Variants in TMEM132B observed in about 807,000 individuals in gnomAD.
TMEM132B encodes the protein transmembrane protein 132B.
In TMEM132B, 18 loss-of-function variants were observed where a neutral mutation model predicts 90.8. That is an observed-to-expected ratio of 0.20 (90% CI 0.14 to 0.29). The LOEUF (loss-of-function observed/expected upper bound fraction) is 0.29. TMEM132B is among the 10% of genes least tolerant of loss of function. TMEM132B has a pLI of 1.00. For synonymous variants in TMEM132B, 504 were observed against 523.3 expected, an observed-to-expected ratio of 0.96 and a Z score of 0.50; for missense variants, 1,096 against 1,326.8, an observed-to-expected ratio of 0.83 and a Z score of 2.70.
chr12:125,451,270 T>C (rs963029063), intron 3 of TMEM132B, among the ~76,000 whole-genome samples: 2 of 152,178 alleles, frequency 1.3e-5, no homozygotes, highest in Non-Finnish European at 2.9e-5. Context: ...ATATTCCTAT[T>C]CTTAGGGAAT....
At chr12:125,601,604 T>G (rs1158453600) in intron 5 of TMEM132B, among the ~76,000 whole-genome samples, 1 of 151,492 alleles carries the variant, frequency 6.6e-6, no homozygotes, top group African/African-American at 2.4e-5. Flanking sequence ...AGACAAGAAA[T>G]AACTAAGATC....
At chr12:125,298,304 C>T (rs1046809606) in intron 1 of TMEM132B, among the ~76,000 whole-genome samples, 5 of 151,792 alleles carry the variant, frequency 3.3e-5, no homozygotes, top group Non-Finnish European at 5.9e-5. Flanking sequence ...ATACCATTGA[C>T]CAGTCCATCT....
intron 2 of TMEM132B, among the ~76,000 whole-genome samples, chr12:125,411,161 GGAGTGGAGTGGAGTGGAGT>G (rs1359177741): frequency 2.8e-5 from 3 of 107,460 alleles, no homozygotes; most frequent in Admixed American, 8.6e-5. Context: ...GTGGAGGAGT[GGAGTGGAGTGGAGTGGAGT>G]GAGTGGAGGA....
At chr12:125,545,954 A>G (rs1653821661) in intron 4 of TMEM132B, among the ~76,000 whole-genome samples, 1 of 152,210 alleles carries the variant, frequency 6.6e-6, no homozygotes, top group South Asian at 2.1e-4. Context: ...AAAAGGGCAT[A>G]TATTTTTGGT....
chr12:125,322,373 T>A (rs578163121), intron 1 of TMEM132B, among the ~76,000 whole-genome samples: 2 of 152,386 alleles, frequency 1.3e-5, no homozygotes, highest in Non-Finnish European at 2.9e-5. Context: ...CCTCTTTTTC[T>A]TTATTAATTA....
At chr12:125,558,035 G>A (rs139823214) in intron 4 of TMEM132B, among the ~76,000 whole-genome samples, 68 of 152,308 alleles carry the variant, frequency 4.5e-4, no homozygotes, top group African/African-American at 1.6e-3. Flanking sequence ...TCATGAGCAG[G>A]CTGGCTTTCA....
At position 125,349,055 on chromosome 12, in the gene TMEM132B, C is replaced by T. The variant is rs1040265587; in HGVS notation, c.68-397C>T. On this transcript the variant is annotated intron_variant, in intron 1 of 8. Coordinates refer to ENST00000682704, the MANE Select transcript of TMEM132B (RefSeq NM_001366854.1). The surrounding 1 kb of genome is among the most constrained non-coding windows in gnomAD (Gnocchi z 4.1). ...AAATATCAAAGTAATAAGGCACTAA[C>T]GTGTCACATACAATGGTGCAATGCC... 1.8e-4 allele frequency among the ~76,000 whole-genome samples: 28 copies of T among 152,170 alleles called. No homozygotes were observed. The highest frequency in any genetic ancestry group is 8.8e-5 in the Non-Finnish European group (6 of 68,022).
At chr12:125,272,888 A>G (rs1874876753) in intron 1 of TMEM132B, among the ~76,000 whole-genome samples, 1 of 152,164 alleles carries the variant, frequency 6.6e-6, no homozygotes, top group Non-Finnish European at 1.5e-5. Context: ...TTGCATTTGA[A>G]TGTCATTCTT....
rs1480984487 is a variant in TMEM132B at position 125,654,409 on chromosome 12, A to G, written c.2951A>G (p.Glu984Gly). The G allele has an allele frequency of 1.2e-6, 2 of 1,613,300 alleles. No individual in the cohort carries two copies. Among genetic ancestry groups the G allele is most frequent in the Non-Finnish European group, 1.7e-6 (2 of 1,180,024 alleles). Residue 984 changes from glutamate to glycine, a missense_variant, in exon 9 of 9, where the codon GAG (glutamate) becomes GGG (glycine). By Grantham distance (98) the Glu-to-Gly change is moderately conservative. Coordinates refer to ENST00000682704, the MANE Select transcript of TMEM132B (RefSeq NM_001366854.1). The surrounding 1 kb of genome is among the most constrained non-coding windows in gnomAD (Gnocchi z 5.8). ...TTMIDRGLQF[E>G]ERNFLLNGSS... Reference sequence around the variant, plus strand: ...ATGATAGACAGGGGCCTGCAGTTCGAGGAGAGGAACTTCCTTCTGAATGGC... The same window carrying G: ...ATGATAGACAGGGGCCTGCAGTTCGGGGAGAGGAACTTCCTTCTGAATGGC...
intron 1 of TMEM132B, among the ~76,000 whole-genome samples, chr12:125,203,712 A>G (rs1243969582): frequency 6.6e-6 from 1 of 152,238 alleles, no homozygotes; most frequent in Non-Finnish European, 1.5e-5. Flanking sequence ...GATGTAAAGT[A>G]TAATTTTTTC....
intron 3 of TMEM132B, among the ~76,000 whole-genome samples, chr12:125,432,552 G>T (rs1308732840): frequency 7.6e-6 from 1 of 131,618 alleles, no homozygotes; most frequent in South Asian, 2.5e-4. Context: ...GAGAGAGAGA[G>T]AGAGAGAGAG....
At chr12:125,363,279 C>A (rs541315668) in intron 2 of TMEM132B, among the ~76,000 whole-genome samples, 1 of 152,154 alleles carries the variant, frequency 6.6e-6, no homozygotes, top group Non-Finnish European at 1.5e-5. Context: ...CTTACTGATC[C>A]CCACAACCCT....
chr12:125,326,697 T>C, intron 1 of TMEM132B: 1 of 1,601,476 alleles, frequency 6.2e-7, no homozygotes, highest in East Asian at 2.2e-5. Flanking sequence ...GGGAATGGCC[T>C]GGTGCAACCA....
chr12:125,328,042 C>A lies in TMEM132B; in HGVS notation c.68-21410C>A, dbSNP rs184430805. Among the ~76,000 whole-genome samples the A allele has an allele frequency of 3.3e-5, 5 of 152,344 alleles. No individual in the cohort carries two copies. The East Asian group carries it at 9.6e-4, about 29-fold the overall frequency. On this transcript the variant is annotated intron_variant, in intron 1 of 8. Transcript: ENST00000682704. Reference sequence around the variant, plus strand: ...CCGTTTGTAAAACAAAGTCACCCTGCCCTTGGGGCTGGGCCATCGCATTCA... The same window carrying A: ...CCGTTTGTAAAACAAAGTCACCCTGACCTTGGGGCTGGGCCATCGCATTCA...
intron 4 of TMEM132B, among the ~76,000 whole-genome samples, chr12:125,562,064 A>G (rs1884546123): frequency 6.6e-6 from 1 of 152,234 alleles, no homozygotes; most frequent in African/African-American, 2.4e-5. Flanking sequence ...GCCATCTTCA[A>G]AGATCTTAGC....
intron 3 of TMEM132B, among the ~76,000 whole-genome samples, chr12:125,486,414 T>C (rs1882203959): frequency 1.3e-5 from 2 of 152,230 alleles, no homozygotes; most frequent in Admixed American, 1.3e-4. Context: ...ATTTGTTGGC[T>C]GTGTCACCTT....
intron 3 of TMEM132B, among the ~76,000 whole-genome samples, chr12:125,496,654 C>T (rs902828758): frequency 1.1e-4 from 16 of 152,272 alleles, no homozygotes; most frequent in African/African-American, 3.6e-4. Flanking sequence ...TGATGGAATC[C>T]TCCCTGTCAC....
At chr12:125,192,088 T>C (rs1240640421) in intron 1 of TMEM132B, among the ~76,000 whole-genome samples, 1 of 152,230 alleles carries the variant, frequency 6.6e-6, no homozygotes, top group African/African-American at 2.4e-5. Flanking sequence ...GAATTAGTAG[T>C]AACACAATAA....
intron 7 of TMEM132B, among the ~76,000 whole-genome samples, chr12:125,651,478 A>G (rs1886919214): frequency 6.6e-6 from 1 of 152,250 alleles, no homozygotes; most frequent in African/African-American, 2.4e-5. Flanking sequence ...GAAATGGTGC[A>G]GAATATTTCT....
Sources: gnomAD v4.1 joint callset for allele counts (sites outside exome capture counted in the v4.1 genomes callset) on GRCh38, gnomAD v4.1.1 for gene constraint, Gnocchi (gnomAD v3.1) non-coding constraint, MANE v1.5 for transcripts, NCBI Gene and HGNC (gene_info 2026-07-23, HGNC 2026-07-21) for gene names.